DYNC2H1: variants seen among roughly 807,000 people sequenced by gnomAD.
DYNC2H1 encodes cytoplasmic dynein 2 heavy chain 1.
DYNC2H1 carries 410 observed loss-of-function variants against 570.0 expected under a neutral mutation model. The ratio of observed to expected loss-of-function variants is 0.72; its 90% confidence interval spans 0.66 to 0.78. DYNC2H1 has a LOEUF of 0.78. Among genes scored for constraint, DYNC2H1 ranks in the 30% least tolerant of loss-of-function variants. DYNC2H1 has a pLI of 0.00. For missense variants in DYNC2H1, 4,865 were observed against 5,046.4 expected (o/e 0.96, Z 1.09); for synonymous variants, 1,688 against 1,677.6 (o/e 1.01, Z -0.15).
At chr11:103,117,998 T>C (rs1858503522) in intron 6 of DYNC2H1, 135 bp downstream of exon 6, 1 of 678,434 alleles carries the variant, frequency 1.5e-6, no homozygotes, top group Admixed American at 3.6e-5. Context: ...GAATTAAAGT[T>C]CTTGTTGGGC....
In DYNC2H1 at chr11:103,210,323, A is replaced by G. The variant is rs1038247955; in HGVS notation, c.8539+363A>G. On this transcript the variant is annotated intron_variant, in intron 53 of 88. Transcript: ENST00000375735. ...TATGGCACAGAACTCTATAATTTAT[A>G]TATGAAAAAGTTTTATGACATTCTT... 3.3e-5 allele frequency among the ~76,000 whole-genome samples: 5 copies of G among 152,176 alleles called. No homozygotes were observed. The East Asian group carries it at 9.6e-4, about 29-fold the overall frequency.
chr11:103,368,616 T>C (rs1487446639), intron 83 of DYNC2H1, among the ~76,000 whole-genome samples: 5 of 152,250 alleles, frequency 3.3e-5, no homozygotes, highest in African/African-American at 1.2e-4. Flanking sequence ...TTTGTCTCTT[T>C]CTGCTTTTGT....
rs1461930402 is a variant in DYNC2H1 at position 103,397,163 on chromosome 11, T to G, written c.12157-2500T>G. On this transcript the variant is annotated intron_variant, in intron 83 of 88. Coordinates refer to ENST00000375735, the MANE Select transcript of DYNC2H1 (RefSeq NM_001377.3). Reference sequence around the variant, plus strand: ...AGAAAGAAAGGCAGACAGAAAGGAATTAAGAAAACCTTATTCCCTCCTAGC... The same window carrying G: ...AGAAAGAAAGGCAGACAGAAAGGAAGTAAGAAAACCTTATTCCCTCCTAGC... Among the ~76,000 whole-genome samples, 3 of 152,124 alleles carry G rather than the reference T, an allele frequency of 2.0e-5. No homozygotes were observed. The East Asian group carries it at 5.8e-4, about 29-fold the overall frequency.
At chr11:103,387,516 T>C (rs1017677302) in intron 83 of DYNC2H1, among the ~76,000 whole-genome samples, 1 of 152,228 alleles carries the variant, frequency 6.6e-6, no homozygotes. Context: ...TTAGATCTCA[T>C]TTGTCAATTT....
At chr11:103,312,502 A>G (rs532403285) in intron 79 of DYNC2H1, among the ~76,000 whole-genome samples, 2 of 133,700 alleles carry the variant, frequency 1.5e-5, no homozygotes, top group South Asian at 5.2e-4. Context: ...AGATCACGCC[A>G]TTGCATTCCA....
intron 75 of DYNC2H1, among the ~76,000 whole-genome samples, chr11:103,295,420 G>A (rs1371017805): frequency 6.6e-6 from 1 of 152,218 alleles, no homozygotes; most frequent in South Asian, 2.1e-4. Flanking sequence ...AACTATCTGC[G>A]AAGCTAGGAC....
intron 85 of DYNC2H1, chr11:103,454,919 T>G: frequency 2.8e-6 from 1 of 357,736 alleles, no homozygotes. Context: ...GTACATTAGG[T>G]TAATTTTCAC....
At position 103,374,948 on chromosome 11, in the gene DYNC2H1, C is replaced by T. The variant is rs115442058; in HGVS notation, c.12156+16589C>T. Reference sequence around the variant, plus strand: ...TGCCAAGACAATGGGGAAAATATCTCGAGGGCATGTCAGAGAGACCTTCAT... The same window carrying T: ...TGCCAAGACAATGGGGAAAATATCTTGAGGGCATGTCAGAGAGACCTTCAT... On this transcript the variant is annotated intron_variant, in intron 83 of 88. Transcript: ENST00000375735. Among the ~76,000 whole-genome samples the T allele has an allele frequency of 2.0e-3, 302 of 152,286 alleles. 4 individuals are homozygous for T. Among genetic ancestry groups the T allele is most frequent in the African/African-American group, 7.0e-3 (291 of 41,568 alleles).
At chr11:103,384,025 C>A (rs896082779) in intron 83 of DYNC2H1, among the ~76,000 whole-genome samples, 1 of 151,962 alleles carries the variant, frequency 6.6e-6, no homozygotes, top group Non-Finnish European at 1.5e-5. Flanking sequence ...TGACAGTAAT[C>A]TTTTGAAATT....
intron 17 of DYNC2H1, 38 bp downstream of exon 17, chr11:103,135,986 A>T (rs993360191): frequency 7.0e-7 from 1 of 1,429,284 alleles, no homozygotes; most frequent in African/African-American, 1.4e-5. Context: ...CCATCATAAA[A>T]TTATTTCTGA....
chr11:103,308,766 T>G (rs1020737452), intron 78 of DYNC2H1, among the ~76,000 whole-genome samples: 7 of 152,212 alleles, frequency 4.6e-5, no homozygotes, highest in African/African-American at 1.7e-4. Context: ...ATCTTTCATA[T>G]GTTTGGACAT....
intron 83 of DYNC2H1, among the ~76,000 whole-genome samples, chr11:103,371,403 C>G (rs753630001): frequency 6.6e-6 from 1 of 152,080 alleles, no homozygotes; most frequent in South Asian, 2.1e-4. Context: ...AGGATAATAA[C>G]GAGAGCTTCT....
In DYNC2H1 at chr11:103,203,792, T is replaced by G; in HGVS notation, c.8311+16T>G. On this transcript the variant is annotated intron_variant, in intron 51 of 88. Transcript: ENST00000375735. The surrounding 1 kb of genome is among the most constrained non-coding windows in gnomAD (Gnocchi z 4.7). ...TTCACATATAGTAAGTGACATAGAA[T>G]TCATTAATCAAATCAAACTGGTTTG... 6.6e-7 allele frequency: 1 copy of G among 1,525,058 alleles called. No homozygotes were observed. Among genetic ancestry groups the G allele is most frequent in the East Asian group, 2.3e-5 (1 of 44,242 alleles). 94.5% of individuals were successfully genotyped at this position (1,525,058 alleles called of 1,614,324 possible). A position where few individuals can be genotyped will look rare whatever the true frequency, so the allele number is the denominator to read the frequency against.
At position 103,319,165 on chromosome 11, in the gene DYNC2H1, A is replaced by C. The variant is rs1345323973; in HGVS notation, c.11726-1864A>C. On this transcript the variant is annotated intron_variant, in intron 80 of 88. Coordinates refer to ENST00000375735, the MANE Select transcript of DYNC2H1 (RefSeq NM_001377.3). The surrounding 1 kb of genome is among the most constrained non-coding windows in gnomAD (Gnocchi z 4.3). ...TCATTGTGTTTCACGTTTGTGATAG[A>C]ATTAATTAATAGCATTGTAAGACAT... Among the ~76,000 whole-genome samples, 1 of 152,180 alleles carries C rather than the reference A, an allele frequency of 6.6e-6. No individual in the cohort carries two copies. The highest frequency in any genetic ancestry group is 2.1e-4 in the South Asian group (1 of 4,834).
In DYNC2H1 at chr11:103,326,683, G is replaced by A. The variant is rs1938501457; in HGVS notation, c.12039+2693G>A. Among the ~76,000 whole-genome samples the A allele has an allele frequency of 6.6e-6, 1 of 152,228 alleles. No homozygotes were observed. The highest frequency in any genetic ancestry group is 1.5e-5 in the Non-Finnish European group (1 of 68,048). ...GGAGCACTCAGGCAGGGCTGTGGAGGCTGCGTTGTGCACACGATCCTGCGG... is the reference window on the plus strand; with the variant it reads ...GGAGCACTCAGGCAGGGCTGTGGAGACTGCGTTGTGCACACGATCCTGCGG... On this transcript the variant is annotated intron_variant, in intron 82 of 88. Coordinates refer to ENST00000375735, the MANE Select transcript of DYNC2H1 (RefSeq NM_001377.3). This position sits in a 1 kb window ranked among gnomAD's most constrained non-coding sequence, Gnocchi z 6.1.
At position 103,477,311 on chromosome 11, in the gene DYNC2H1, T is replaced by C. The variant is rs564235276; in HGVS notation, c.12766-1784T>C. Among the ~76,000 whole-genome samples the C allele has an allele frequency of 3.3e-5, 5 of 152,346 alleles. No individual in the cohort carries two copies. The South Asian group carries it at 1.0e-3, about 32-fold the overall frequency. ...ACTAGGCTACCATGGGTAAATTCTC[T>C]GTGGGCTTCTGAAGTGTCACTTTTG... is the stretch of plus-strand genomic sequence containing the variant. On this transcript the variant is annotated intron_variant, in intron 88 of 88. Transcript: ENST00000375735.
At chr11:103,445,467 A>C (rs612158) in intron 85 of DYNC2H1, among the ~76,000 whole-genome samples, 53,669 of 151,976 alleles carry the variant, frequency 0.35, 10,013 homozygotes, top group African/African-American at 0.47. Flanking sequence ...TGCTTCGGAA[A>C]AAAAGAGGTT....
intron 71 of DYNC2H1, among the ~76,000 whole-genome samples, chr11:103,281,051 T>C (rs925480134): frequency 6.6e-6 from 1 of 151,966 alleles, no homozygotes; most frequent in African/African-American, 2.4e-5. Flanking sequence ...TATCATAAAG[T>C]GAGATTCCAG....
At position 103,321,141 on chromosome 11, in the gene DYNC2H1, G is replaced by C. The variant is rs1215112307; in HGVS notation, c.11838G>C (p.Gln3946His). 5 of 1,612,140 alleles carry C rather than the reference G, an allele frequency of 3.1e-6. No homozygotes were observed. The South Asian group carries it at 5.5e-5, about 18-fold the overall frequency. ...DLRVLQSYLK[Q>H]FFNSSVIDVF... The stretch of plus-strand genomic sequence containing the variant: ...GAGTTCTTCAGTCATACCTGAAGCA[G>C]TTTTTTAATTCTTCAGTTATTGATG... Residue 3946 changes from glutamine (Q) to histidine (H), a missense_variant, in exon 81 of 89, where the codon CAG becomes CAC. By Grantham distance (24) the Gln-to-His change is conservative. Coordinates refer to ENST00000375735, the MANE Select transcript of DYNC2H1 (RefSeq NM_001377.3).
Sources: allele counts gnomAD v4.1 joint callset (sites outside exome capture counted in the v4.1 genomes callset), GRCh38; gene constraint gnomAD v4.1.1; non-coding constraint Gnocchi (gnomAD v3.1); transcripts MANE v1.5; gene names NCBI Gene and HGNC (gene_info 2026-07-23, HGNC 2026-07-21).